The following PRR5L variants were observed in gnomAD, a reference collection of about 807,000 sequenced individuals.
The protein encoded by PRR5L is proline-rich protein 5-like.
Under a neutral mutation model 36.4 loss-of-function variants are expected in PRR5L, and 21 were observed. That is an observed-to-expected ratio of 0.58 (90% CI 0.41 to 0.83). The LOEUF (loss-of-function observed/expected upper bound fraction) is 0.83. Among genes scored for constraint, PRR5L ranks in the 40% least tolerant of loss-of-function variants. PRR5L has a pLI of 0.00. For missense variants in PRR5L, 381 were observed against 473.3 expected (o/e 0.80, Z 1.81); for synonymous variants, 188 against 197.0 (o/e 0.95, Z 0.38).
At chr11:36,382,798 G>A (rs1020319410) in intron 1 of PRR5L, among the ~76,000 whole-genome samples, 4 of 152,136 alleles carry the variant, frequency 2.6e-5, no homozygotes, top group African/African-American at 9.7e-5. Context: ...GGACAAAATC[G>A]CCCCTAGTTG....
In PRR5L at chr11:36,401,195, G is replaced by A. The variant is rs773808726; in HGVS notation, c.74G>A (p.Arg25His). 8.1e-6 allele frequency: 13 copies of A among 1,613,942 alleles called. No homozygotes were observed. Among genetic ancestry groups the A allele is most frequent in the Admixed American group, 1.7e-5 (1 of 59,994 alleles). Reference sequence around the variant, plus strand: ...GGCTCCTTCCGCAGGCCTAGACCGCGCTTCATGAGCTCCCCCGTGCTCAGC... The same window carrying A: ...GGCTCCTTCCGCAGGCCTAGACCGCACTTCATGAGCTCCCCCGTGCTCAGC... Reference protein sequence around the residue: ...KMGSFRRPRPRFMSSPVLSDL... With the variant: ...KMGSFRRPRPHFMSSPVLSDL... The change falls in exon 2 of 9, where the codon CGC becomes CAC. Residue 25 changes from arginine to histidine, a missense_variant. Arg to His is a conservative substitution (Grantham distance 29, BLOSUM62 0). Transcript: ENST00000530639.
chr11:36,387,775 A>C (rs1299236383), intron 1 of PRR5L, among the ~76,000 whole-genome samples: 3 of 152,210 alleles, frequency 2.0e-5, no homozygotes, highest in Admixed American at 2.0e-4. Flanking sequence ...GCTCCACATA[A>C]AAGGTCTGAG....
At chr11:36,457,605 C>CA (rs11297597) in intron 8 of PRR5L, among the ~76,000 whole-genome samples, 321 of 134,416 alleles carry the variant, frequency 2.4e-3, no homozygotes, top group African/African-American at 7.1e-3. Context: ...GACTCCGTCT[C>CA]AAAAAAAAAA....
At chr11:36,435,980 T>C (rs1564948777) in intron 5 of PRR5L, among the ~76,000 whole-genome samples, 1 of 152,114 alleles carries the variant, frequency 6.6e-6, no homozygotes, top group Admixed American at 6.5e-5. Flanking sequence ...AGAGAAGAAG[T>C]GAATAAGCTG....
chr11:36,358,008 C>T (rs1483585221), intron 1 of PRR5L, among the ~76,000 whole-genome samples: 1 of 152,176 alleles, frequency 6.6e-6, no homozygotes, highest in African/African-American at 2.4e-5. Context: ...ATTTGTGATT[C>T]ATGGGAGGAA....
In PRR5L at chr11:36,350,972, A is replaced by ATATATTTATATATATTTATATATT. The variant is rs1264656078; in HGVS notation, c.-125-50020_-125-50019insTTATATATATTTATATATTTATAT. ...TATATTTATATATATTTATATATTT[A>ATATATTTATATATATTTATATATT]TATATATTTATATATTTATATATTT... is the stretch of plus-strand genomic sequence containing the variant. On this transcript the variant is annotated intron_variant, in intron 1 of 8. Transcript: ENST00000530639. Among the ~76,000 whole-genome samples the ATATATTTATATATATTTATATATT allele has an allele frequency of 4.1e-5, 2 of 48,366 alleles. 1 individual carries two copies. Among genetic ancestry groups the ATATATTTATATATATTTATATATT allele is most frequent in the Non-Finnish European group, 7.5e-5 (2 of 26,698 alleles). 31.7% of individuals were successfully genotyped at this position (48,366 alleles called of 152,430 possible).
Position 36,407,851 on chromosome 11 carries a change from A to T in PRR5L, c.245+4473A>T, listed in dbSNP as rs183339839. Reference sequence around the variant, plus strand: ...CCTTTCCATTTAAGACATGTCTTTGAAAATAGACTCTAGTTTAAATGTTAG... The same window carrying T: ...CCTTTCCATTTAAGACATGTCTTTGTAAATAGACTCTAGTTTAAATGTTAG... On this transcript the variant is annotated intron_variant, in intron 3 of 8. Coordinates refer to ENST00000530639, the MANE Select transcript of PRR5L (RefSeq NM_001160167.2). 7.9e-5 allele frequency among the ~76,000 whole-genome samples: 12 copies of T among 152,302 alleles called. No homozygotes were observed. In the East Asian group the frequency reaches 1.7e-3, roughly 22 times the overall value.
chr11:36,343,598 G>T (rs1216388528), intron 1 of PRR5L, among the ~76,000 whole-genome samples: 1 of 152,246 alleles, frequency 6.6e-6, no homozygotes, highest in Non-Finnish European at 1.5e-5. Context: ...TTGAGCAGAT[G>T]TTGGTAGTGT....
rs1166617669 is a variant in PRR5L, at chr11:36,351,353, AAT to A, written c.-125-49636_-125-49635del. On this transcript the variant is annotated intron_variant, in intron 1 of 8. Transcript: ENST00000530639. ...TTATATATATTTATAATATATAATAAATATATATAAATATATATACATATATA... is the reference window on the plus strand; with the variant it reads ...TTATATATATTTATAATATATAATAAATATATAAATATATATACATATATA... 4.4e-4 allele frequency among the ~76,000 whole-genome samples: 37 copies of A among 84,494 alleles called. 3 individuals carry two copies. The East Asian group carries it at 6.9e-3, about 16-fold the overall frequency. 55.4% of individuals were successfully genotyped at this position (84,494 alleles called of 152,430 possible).
rs571890678 is a variant in PRR5L at position 36,341,519 on chromosome 11, A to G, written c.-126+45081A>G. Reference sequence around the variant, plus strand: ...TTGAGAGTGAAGAACACAGGCTTCAATTGGAACTATCTGGAGCTCAATGGG... The same window carrying G: ...TTGAGAGTGAAGAACACAGGCTTCAGTTGGAACTATCTGGAGCTCAATGGG... On this transcript the variant is annotated intron_variant, in intron 1 of 8. Transcript: ENST00000530639. Among the ~76,000 whole-genome samples, 23 of 152,290 alleles carry G rather than the reference A, an allele frequency of 1.5e-4. No homozygotes were observed. The South Asian group carries it at 2.1e-3, about 14-fold the overall frequency.
intron 1 of PRR5L, among the ~76,000 whole-genome samples, chr11:36,299,727 C>T (rs866759852): frequency 1.4e-4 from 22 of 152,206 alleles, no homozygotes; most frequent in Non-Finnish European, 2.5e-4. Context: ...CAGCGAGTGG[C>T]GGGGAGGGGA....
chr11:36,393,637 C>G (rs1857602587), intron 1 of PRR5L, among the ~76,000 whole-genome samples: 1 of 152,078 alleles, frequency 6.6e-6, no homozygotes, highest in Admixed American at 6.6e-5. Context: ...GTTCTTTTTG[C>G]TCTGGAGACT....
intron 1 of PRR5L, among the ~76,000 whole-genome samples, chr11:36,319,460 G>A (rs1055004900): frequency 6.6e-6 from 1 of 152,220 alleles, no homozygotes; most frequent in Non-Finnish European, 1.5e-5. Flanking sequence ...AACTTTGCCC[G>A]TAAAGGGCCA....
intron 1 of PRR5L, among the ~76,000 whole-genome samples, chr11:36,318,455 G>C (rs1179594081): frequency 6.7e-6 from 1 of 148,158 alleles, no homozygotes; most frequent in Non-Finnish European, 1.5e-5. Flanking sequence ...GAAACTTGGT[G>C]AATCTGCGAA....
At chr11:36,345,038 G>C (rs1490896593) in intron 1 of PRR5L, among the ~76,000 whole-genome samples, 1 of 152,198 alleles carries the variant, frequency 6.6e-6, no homozygotes, top group Non-Finnish European at 1.5e-5. Flanking sequence ...AAGGGCTAGA[G>C]AGAAAAGGGT....
At chr11:36,306,154 T>C (rs1856429261) in intron 1 of PRR5L, among the ~76,000 whole-genome samples, 1 of 152,164 alleles carries the variant, frequency 6.6e-6, no homozygotes, top group African/African-American at 2.4e-5. Context: ...AACGCGCAGG[T>C]TTGATACATA....
At chr11:36,395,856 A>C (rs1857648372) in intron 1 of PRR5L, among the ~76,000 whole-genome samples, 1 of 152,114 alleles carries the variant, frequency 6.6e-6, no homozygotes, top group Non-Finnish European at 1.5e-5. Context: ...TCAGTAGCTA[A>C]GAATATGGGC....
chr11:36,409,596 G>A (rs562542967), intron 3 of PRR5L, among the ~76,000 whole-genome samples: 2 of 152,308 alleles, frequency 1.3e-5, no homozygotes, highest in East Asian at 1.9e-4. Flanking sequence ...CCCACAGTAG[G>A]GGGGAAGAGC....
rs564193730 is a variant in PRR5L at position 36,453,206 on chromosome 11, T to C, written c.712+1871T>C. On this transcript the variant is annotated intron_variant, in intron 8 of 8. Transcript: ENST00000530639. ...TGGGATGGGATACCGTTTGTCTTTA[T>C]ACATCTATATCCTGCCTTTAAGCAA... is the stretch of plus-strand genomic sequence containing the variant. 3.5e-3 allele frequency among the ~76,000 whole-genome samples: 534 copies of C among 152,344 alleles called. 2 individuals are homozygous for C. The highest frequency in any genetic ancestry group is 0.012 in the African/African-American group (503 of 41,564).
Sources: gnomAD v4.1 joint callset for allele counts (sites outside exome capture counted in the v4.1 genomes callset) on GRCh38, gnomAD v4.1.1 for gene constraint, MANE v1.5 for transcripts, NCBI Gene and HGNC (gene_info 2026-07-23, HGNC 2026-07-21) for gene names.